SFTPB: variants seen among roughly 807,000 people sequenced by gnomAD.
SFTPB encodes surfactant protein B, also known as pulmonary surfactant-associated protein B.
SFTPB carries 32 observed loss-of-function variants against 51.0 expected under a neutral mutation model. The ratio of observed to expected loss-of-function variants is 0.63; its 90% CI spans 0.47 to 0.84. SFTPB has a LOEUF of 0.84. Ranked by LOEUF, SFTPB falls within the 40% of genes least tolerant of loss-of-function variation. SFTPB has a pLI of 0.00. For missense variants in SFTPB, 431 were observed against 491.2 expected, an observed-to-expected ratio of 0.88 and a Z score of 1.16; for synonymous variants, 211 against 208.5, an observed-to-expected ratio of 1.01 and a Z score of -0.10.
chr2:85,657,813 T>C lies in SFTPB; in HGVS notation c.*1889A>G, dbSNP rs1303513348. 2 of 151,596 alleles carry C rather than the reference T, an allele frequency of 1.3e-5. No homozygotes were observed. Among genetic ancestry groups the C allele is most frequent in the African/African-American group, 4.9e-5 (2 of 41,234 alleles). 9.4% of individuals were successfully genotyped at this position (151,596 alleles called of 1,614,324 possible). A position where few individuals can be genotyped will look rare whatever the true frequency, so the allele number is the denominator to read the frequency against. On this transcript the variant is annotated 3_prime_UTR_variant, in exon 11 of 11. Coordinates refer to ENST00000519937, the MANE Select transcript of SFTPB (RefSeq NM_000542.5). ...GGCGGTGGAGTTAGGAGCAATTTTT[T>C]GTGGGCAGGGGGTGGATCTTACAAA...
At chr2:85,664,780 G>A (rs958802207) in intron 6 of SFTPB, among the ~76,000 whole-genome samples, 13 of 152,364 alleles carry the variant, frequency 8.5e-5, no homozygotes, top group African/African-American at 2.9e-4. Flanking sequence ...GAAAGGCTGA[G>A]GGGGCAGGGC....
chr2:85,662,286 T>C, intron 8 of SFTPB, 177 bp from the exon 9 acceptor site: 1 of 1,459,550 alleles, frequency 6.9e-7, no homozygotes, highest in Non-Finnish European at 9.1e-7. Context: ...CCAGCTGAAA[T>C]GGAGGACTTC....
intron 7 of SFTPB, 53 bp downstream of exon 7, chr2:85,663,611 G>A (rs1677420227): frequency 3.8e-6 from 6 of 1,592,370 alleles, no homozygotes; most frequent in South Asian, 1.1e-5. Context: ...CAGTGGCAGG[G>A]TAGGGGGAGG....
chr2:85,667,322 C>T, intron 2 of SFTPB, 145 bp from the exon 3 acceptor site: 1 of 710,000 alleles, frequency 1.4e-6, no homozygotes, highest in South Asian at 1.6e-5. Context: ...CCATCTCATC[C>T]ATATCAATTT....
Position 85,663,181 on chromosome 2 carries a change from C to T in SFTPB, c.1002+165G>A, listed in dbSNP as rs1039114793. Among the ~76,000 whole-genome samples the T allele has an allele frequency of 6.6e-5, 10 of 152,376 alleles. No homozygotes were observed. The East Asian group carries it at 1.5e-3, about 23-fold the overall frequency. On this transcript the variant is annotated intron_variant, in intron 8 of 10. Transcript: ENST00000519937. ...GGCGACTCCTAACCTTTAGCAGGCT[C>T]TGCCCTAACTTACAGTCCCACCATT...
chr2:85,657,859 A>G lies in SFTPB; in HGVS notation c.*1843T>C, dbSNP rs1553460557. The G allele has an allele frequency of 6.7e-6, 1 of 148,264 alleles. No homozygotes were observed. Among genetic ancestry groups the G allele is most frequent in the Non-Finnish European group, 1.5e-5 (1 of 67,096 alleles). 9.2% of individuals were successfully genotyped at this position (148,264 alleles called of 1,614,324 possible). A position where few individuals can be genotyped will look rare whatever the true frequency, so the allele number is the denominator to read the frequency against. ...ACAAAGCACATTCTCAATGGCGGAG[A>G]GAATATTACAAAATACCTTCTTAAG... On this transcript the variant is annotated 3_prime_UTR_variant, in exon 11 of 11. Coordinates refer to ENST00000519937, the MANE Select transcript of SFTPB (RefSeq NM_000542.5).
At chr2:85,660,321 T>G (rs1677225037) in intron 10 of SFTPB, among the ~76,000 whole-genome samples, 1 of 130,576 alleles carries the variant, frequency 7.7e-6, no homozygotes, top group African/African-American at 3.1e-5. Context: ...TTTTAGTAGA[T>G]ACGGGGTTTC....
intron 8 of SFTPB, 116 bp from the exon 9 acceptor site, chr2:85,662,225 A>C: frequency 6.5e-7 from 1 of 1,535,260 alleles, no homozygotes; most frequent in Non-Finnish European, 8.8e-7. Flanking sequence ...CTCCTCCATC[A>C]GCCCTCACGG....
intron 10 of SFTPB, among the ~76,000 whole-genome samples, chr2:85,659,898 C>T (rs563707622): frequency 6.6e-6 from 1 of 152,348 alleles, no homozygotes; most frequent in African/African-American, 2.4e-5. Context: ...GCTGTCATCA[C>T]TGGGGCAAGG....
intron 4 of SFTPB, 198 bp downstream of exon 4, chr2:85,666,419 G>A: frequency 7.3e-6 from 4 of 547,190 alleles, no homozygotes; most frequent in Non-Finnish European, 3.3e-6. Context: ...GGCCAGCTGG[G>A]GTGTTGTGTG....
chr2:85,664,106 C>G (rs982991369), intron 6 of SFTPB, among the ~76,000 whole-genome samples: 1 of 152,212 alleles, frequency 6.6e-6, no homozygotes. Context: ...TAGTGACTCT[C>G]AGACTGACAT....
chr2:85,667,871 A>G, intron 1 of SFTPB, 65 bp from the exon 2 acceptor site: 1 of 1,610,290 alleles, frequency 6.2e-7, no homozygotes, highest in Non-Finnish European at 8.5e-7. Context: ...TCATGATTTC[A>G]CCCACCCTCT....
chr2:85,668,387 C>T, upstream of SFTPB: 1 of 615,460 alleles, frequency 1.6e-6, no homozygotes. Context: ...TTCCTGCCTC[C>T]TTTGCCCCCT....
chr2:85,665,830 G>T (rs1287400997), intron 4 of SFTPB, 36 bp from the exon 5 acceptor site: 1 of 1,607,026 alleles, frequency 6.2e-7, no homozygotes, highest in Admixed American at 1.7e-5. Context: ...GTTAGGGTCT[G>T]GGAGGGAAGC....
At position 85,663,374 on chromosome 2, in the gene SFTPB, C is replaced by G. The variant is rs1324741140; in HGVS notation, c.974G>C (p.Cys325Ser). ...TTCCCTGTCCAGCCAGGAGCCAACA[C>G]AGGCCTGGAGCATTGCCTGTGGTAT... ...QAIPQAMLQA[C>S]VGSWLDREKC... Residue 325 changes from cysteine to serine, a missense_variant, in exon 8 of 11, where the codon TGT becomes TCT. Cys to Ser is a moderately radical substitution (Grantham distance 112, BLOSUM62 -1). Coordinates refer to ENST00000519937, the MANE Select transcript of SFTPB (RefSeq NM_000542.5). 1.2e-6 allele frequency: 2 copies of G among 1,613,530 alleles called. No homozygotes were observed. The highest frequency in any genetic ancestry group is 3.3e-5 in the Admixed American group (2 of 60,032).
Position 85,658,757 on chromosome 2 carries a change from C to A in SFTPB, c.*945G>T, listed in dbSNP as rs529965924. 6.6e-6 allele frequency: 1 copy of A among 152,144 alleles called. No homozygotes were observed. Among genetic ancestry groups the A allele is most frequent in the Admixed American group, 6.5e-5 (1 of 15,268 alleles). 9.4% of individuals were successfully genotyped at this position (152,144 alleles called of 1,614,324 possible). On this transcript the variant is annotated 3_prime_UTR_variant, in exon 11 of 11. Coordinates refer to ENST00000519937, the MANE Select transcript of SFTPB (RefSeq NM_000542.5). ...GAGGCTGGTCTCGAACTCCTGACCT[C>A]AAGGATCCTCCTGCCTCGGCCTCCT...
rs757546697 is a variant in SFTPB, at chr2:85,666,638, G to A, written c.372C>T (p.Ile124=). The A allele has an allele frequency of 9.9e-6, 16 of 1,613,490 alleles. No homozygotes were observed. The highest frequency in any genetic ancestry group is 2.2e-5 in the South Asian group (2 of 91,074). ...TCACAGTCTGGTTCTGGAAGTAGTC[G>A]ATGACCAGGGGGAAGTAGTCGTCAA... is the stretch of plus-strand genomic sequence containing the variant. ...QVLDDYFPLV[I]DYFQNQTDSN... is the part of the protein sequence containing the mutation. Residue 124 remains isoleucine, a synonymous_variant, in exon 4 of 11, where the codon ATC becomes ATT. Coordinates refer to ENST00000519937, the MANE Select transcript of SFTPB (RefSeq NM_000542.5).
chr2:85,662,437 A>T (rs1677355299), intron 8 of SFTPB, among the ~76,000 whole-genome samples: 2 of 152,150 alleles, frequency 1.3e-5, no homozygotes, highest in Non-Finnish European at 2.9e-5. Context: ...ACCAGATGTG[A>T]TGGGCAGTCG....
intron 4 of SFTPB, among the ~76,000 whole-genome samples, chr2:85,666,221 G>GTGTGC (rs1423453146): frequency 1.5e-5 from 2 of 136,748 alleles, no homozygotes; most frequent in East Asian, 2.1e-4. Flanking sequence ...TGTGCTGTGT[G>GTGTGC]TGTGTGTGTG....
Sources: allele counts gnomAD v4.1 joint callset (sites outside exome capture counted in the v4.1 genomes callset), GRCh38; gene constraint gnomAD v4.1.1; transcripts MANE v1.5; gene names NCBI Gene and HGNC (gene_info 2026-07-23, HGNC 2026-07-21).